MAP3K15: variants seen among roughly 807,000 people sequenced by gnomAD.
The protein encoded by MAP3K15 is MAPK/ERK kinase kinase 15.
A neutral mutation model predicts 99.5 loss-of-function variants in MAP3K15; 124 were observed. The ratio of observed to expected loss-of-function variants is 1.25; its 90% confidence interval spans 1.08 to 1.45. MAP3K15 has a LOEUF of 1.45. Ranked by LOEUF, MAP3K15 falls within the 40% of genes most tolerant of loss-of-function variation. MAP3K15 has a pLI of 0.00. For synonymous variants in MAP3K15, 494 were observed against 439.6 expected (o/e 1.12, Z -1.55); for missense variants, 1,242 against 1,079.7 (o/e 1.15, Z -2.11).
intron 26 of MAP3K15, among the ~76,000 whole-genome samples, chrX:19,362,524 G>A (rs924802124): frequency 4.5e-5 from 5 of 110,840 alleles, no homozygotes; most frequent in African/African-American, 1.3e-4. Context: ...CACGAGCTAC[G>A]GTGCTGGCTG....
At chrX:19,392,507 A>G (rs777741207) in intron 16 of MAP3K15, 34 bp from the exon 17 acceptor site, 26 of 1,187,267 alleles carry the variant, frequency 2.2e-5, no homozygotes, top group Non-Finnish European at 2.7e-5. Flanking sequence ...CTTATCAGGA[A>G]GAGAAAGTTT....
intron 26 of MAP3K15, 103 bp downstream of exon 26, chrX:19,362,634 CT>C (rs1165720952): frequency 1.1e-4 from 54 of 507,111 alleles, no homozygotes; most frequent in African/African-American, 4.7e-5. Context: ...AGTCTAGAAT[CT>C]ACTGGAGTCC....
chrX:19,477,502 G>A (rs1280777869), intron 3 of MAP3K15, among the ~76,000 whole-genome samples: 11 of 110,011 alleles, frequency 1.0e-4, no homozygotes, highest in Non-Finnish European at 1.9e-4. Context: ...CTGAGCTCAG[G>A]AGTTCAAGAC....
At chrX:19,391,399 C>T (rs187691076) in intron 18 of MAP3K15, among the ~76,000 whole-genome samples, 4 of 110,899 alleles carry the variant, frequency 3.6e-5, no homozygotes, top group Non-Finnish European at 5.7e-5. Flanking sequence ...AGAGGCCAGG[C>T]GCGGTGGCTC....
chrX:19,430,604 C>T (rs2063873240), intron 7 of MAP3K15, among the ~76,000 whole-genome samples: 1 of 111,521 alleles, frequency 9.0e-6, no homozygotes, highest in Non-Finnish European at 1.9e-5. Flanking sequence ...TGTTAAAATG[C>T]ATGTCCAATC....
chrX:19,420,544 G>C (rs1439773804), intron 9 of MAP3K15, among the ~76,000 whole-genome samples: 1 of 110,913 alleles, frequency 9.0e-6, no homozygotes, highest in Non-Finnish European at 1.9e-5. Flanking sequence ...GGCAATAATA[G>C]CTTACCAACC....
chrX:19,457,055 A>G lies in MAP3K15; in HGVS notation c.889-36T>C, dbSNP rs1482071813. ...GAGGTCCCAAAGTGAGCAAGAGAGG[A>G]AACACAGCTCTTCACTGATTTTTCT... is the stretch of plus-strand genomic sequence containing the variant. On this transcript the variant is annotated intron_variant, in intron 5 of 28. Coordinates refer to ENST00000338883, the MANE Select transcript of MAP3K15 (RefSeq NM_001001671.4). 3.0e-6 allele frequency: 3 copies of G among 986,585 alleles called. No individual in the cohort carries two copies. In the Admixed American group the frequency reaches 6.9e-5, roughly 23 times the overall value. The allele number at this position is 986,585 out of a possible 1,213,427, so 81.3% of individuals were successfully genotyped here.
At chrX:19,381,850 C>T (rs1015482222) in intron 18 of MAP3K15, among the ~76,000 whole-genome samples, 4 of 112,148 alleles carry the variant, frequency 3.6e-5, no homozygotes, top group Non-Finnish European at 7.5e-5. Flanking sequence ...TAGAAAAAGA[C>T]AGCAAAGTCA....
intron 18 of MAP3K15, among the ~76,000 whole-genome samples, chrX:19,382,740 G>A (rs998059199): frequency 4.5e-5 from 5 of 111,767 alleles, no homozygotes; most frequent in African/African-American, 6.5e-5. Context: ...GGGAACATCC[G>A]ATGACACAAT....
At chrX:19,469,736 C>T (rs1430151632) in intron 3 of MAP3K15, among the ~76,000 whole-genome samples, 4 of 110,820 alleles carry the variant, frequency 3.6e-5, no homozygotes, top group Admixed American at 9.6e-5. Context: ...AACAAGTGGG[C>T]GAAGGATATG....
chrX:19,404,146 A>T (rs2063630720), intron 13 of MAP3K15, among the ~76,000 whole-genome samples: 1 of 112,009 alleles, frequency 8.9e-6, no homozygotes, highest in African/African-American at 3.2e-5. Flanking sequence ...CATTAGAGCT[A>T]ATACATGAGT....
At chrX:19,418,980 G>A (rs2063760465) in intron 9 of MAP3K15, among the ~76,000 whole-genome samples, 1 of 111,604 alleles carries the variant, frequency 9.0e-6, no homozygotes, top group South Asian at 3.7e-4. Flanking sequence ...TTACAGACAA[G>A]CAAATGCTGA....
intron 25 of MAP3K15, among the ~76,000 whole-genome samples, chrX:19,367,723 A>ACTTTTTTTT (rs2063344451): frequency 4.1e-5 from 1 of 24,107 alleles, no homozygotes; most frequent in African/African-American, 1.3e-4. Flanking sequence ...ATAACTATGG[A>ACTTTTTTTT]TTTTTTTTTT....
chrX:19,404,627 AG>A (rs2063634237), intron 13 of MAP3K15, among the ~76,000 whole-genome samples: 1 of 112,337 alleles, frequency 8.9e-6, no homozygotes, highest in Non-Finnish European at 1.9e-5. Context: ...TAATAGAGAA[AG>A]CATGGTGCTT....
chrX:19,430,316 A>G (rs377139204), intron 7 of MAP3K15, among the ~76,000 whole-genome samples: 142 of 111,728 alleles, frequency 1.3e-3, no homozygotes, highest in Middle Eastern at 4.6e-3. Flanking sequence ...TTAGAACCAC[A>G]TGGTGGAGAG....
chrX:19,391,330 T>C (rs2063525382), intron 18 of MAP3K15, among the ~76,000 whole-genome samples: 1 of 111,484 alleles, frequency 9.0e-6, no homozygotes, highest in South Asian at 3.7e-4. Flanking sequence ...TGCTATTAAC[T>C]TTAAAGAGAT....
At chrX:19,433,730 T>TAAAAAC (rs773910619) in intron 6 of MAP3K15, among the ~76,000 whole-genome samples, 7 of 111,732 alleles carry the variant, frequency 6.3e-5, no homozygotes, top group Non-Finnish European at 1.1e-4. Context: ...TTTTACATGA[T>TAAAAAC]AAAAACAAAA....
At chrX:19,363,644 TATTTTG>T (rs372288828) in intron 25 of MAP3K15, among the ~76,000 whole-genome samples, 4 of 100,014 alleles carry the variant, frequency 4.0e-5, no homozygotes, top group African/African-American at 1.4e-4. Context: ...CCCTGCTTCT[TATTTTG>T]TTTTTGTTTT....
intron 18 of MAP3K15, among the ~76,000 whole-genome samples, chrX:19,391,099 A>G (rs1481272280): frequency 9.0e-6 from 1 of 111,228 alleles, no homozygotes; most frequent in African/African-American, 3.3e-5. Context: ...AAGTTATTCC[A>G]TTACTGACAC....
Sources: allele counts gnomAD v4.1 joint callset (sites outside exome capture counted in the v4.1 genomes callset), GRCh38; gene constraint gnomAD v4.1.1; transcripts MANE v1.5; gene names NCBI Gene and HGNC (gene_info 2026-07-23, HGNC 2026-07-21).